SH3PXD2A: variants seen among roughly 807,000 people sequenced by gnomAD.
The protein encoded by SH3PXD2A is SH3 and PX domains 2A.
In SH3PXD2A, 32 loss-of-function variants were observed where a neutral mutation model predicts 115.2. The ratio of observed to expected loss-of-function variants is 0.28; its 90% CI spans 0.21 to 0.37. The LOEUF is 0.37. Among genes scored for constraint, SH3PXD2A ranks in the 10% least tolerant of loss-of-function variants. The pLI is 1.00. For missense variants in SH3PXD2A, 1,328 were observed against 1,498.7 expected (o/e 0.89, Z 1.88); for synonymous variants, 610 against 629.1 (o/e 0.97, Z 0.45).
chr10:103,796,721 C>T (rs539993472), intron 2 of SH3PXD2A, among the ~76,000 whole-genome samples: 59 of 152,288 alleles, frequency 3.9e-4, no homozygotes, highest in African/African-American at 1.3e-3. Context: ...CTTCCACCCT[C>T]GCCTCTCACA....
intron 5 of SH3PXD2A, among the ~76,000 whole-genome samples, chr10:103,707,436 C>A (rs769897640): frequency 1.2e-4 from 18 of 152,166 alleles, no homozygotes; most frequent in Non-Finnish European, 2.6e-4. Context: ...ACCTCGTGAT[C>A]TGCCTGCCTC....
intron 2 of SH3PXD2A, among the ~76,000 whole-genome samples, chr10:103,774,358 T>G (rs1254283383): frequency 6.6e-6 from 1 of 152,218 alleles, no homozygotes; most frequent in African/African-American, 2.4e-5. Flanking sequence ...TCCAGTGAAA[T>G]TTTCATTTCA....
At chr10:103,658,918 AG>A (rs1229082638) in intron 8 of SH3PXD2A, among the ~76,000 whole-genome samples, 1 of 152,200 alleles carries the variant, frequency 6.6e-6, no homozygotes, top group Non-Finnish European at 1.5e-5. Context: ...AGGGACATGA[AG>A]CCCCCCAGCA....
Position 103,783,297 on chromosome 10 carries a change from G to A in SH3PXD2A, c.154-16128C>T, listed in dbSNP as rs144326297. On this transcript the variant is annotated intron_variant, in intron 2 of 14. Coordinates refer to ENST00000369774, the MANE Select transcript of SH3PXD2A (RefSeq NM_001394015.1). The stretch of plus-strand genomic sequence containing the variant: ...TTATGTTTTAGGAGGGCTCTGATTC[G>A]TGGGAAGACTGGATTATGGAGGAGG... 5.0e-3 allele frequency among the ~76,000 whole-genome samples: 758 copies of A among 152,336 alleles called. 3 individuals are homozygous for A. The highest frequency in any genetic ancestry group is 0.024 in the Middle Eastern group (7 of 294).
At chr10:103,604,373 T>C (rs971687751) in intron 14 of SH3PXD2A, among the ~76,000 whole-genome samples, 2 of 152,156 alleles carry the variant, frequency 1.3e-5, no homozygotes, top group Admixed American at 1.3e-4. Context: ...GCTGAAGAGA[T>C]TTCTTTGGGT....
At chr10:103,730,237 T>C (rs1589432921) in intron 4 of SH3PXD2A, among the ~76,000 whole-genome samples, 2 of 143,462 alleles carry the variant, frequency 1.4e-5, no homozygotes, top group Admixed American at 6.8e-5. Context: ...CGTTTCTTTT[T>C]TTTTTTTTTT....
intron 11 of SH3PXD2A, among the ~76,000 whole-genome samples, chr10:103,615,732 C>T (rs1385230597): frequency 6.6e-6 from 1 of 151,976 alleles, no homozygotes; most frequent in Non-Finnish European, 1.5e-5. Context: ...CTCAGAGTGA[C>T]TTTGTTGGTC....
chr10:103,662,836 T>A (rs1273441523), intron 7 of SH3PXD2A, among the ~76,000 whole-genome samples: 1 of 151,990 alleles, frequency 6.6e-6, no homozygotes, highest in Non-Finnish European at 1.5e-5. Flanking sequence ...TGAGACAGGG[T>A]CTTTGTTGCC....
In SH3PXD2A at chr10:103,603,226, C is replaced by T. The variant is rs2036247069; in HGVS notation, c.1992G>A (p.Lys664=). ...CCTTGAGCTTTAGGAGTGATGATGA[C>T]TTGGGGGAGCCTGATTTGGGGGAGT... ...RKNSPKSGSP[K]SSSLLKLKAE... is the part of the protein sequence containing the mutation. Residue 664 remains lysine (K), a synonymous_variant, in exon 15 of 15, where the codon AAG becomes AAA. Transcript: ENST00000369774. The T allele has an allele frequency of 1.2e-6, 2 of 1,614,052 alleles. No individual in the cohort carries two copies. The highest frequency in any genetic ancestry group is 1.3e-5 in the African/African-American group (1 of 74,946).
intron 4 of SH3PXD2A, among the ~76,000 whole-genome samples, chr10:103,731,768 G>A (rs762766457): frequency 6.6e-6 from 1 of 152,202 alleles, no homozygotes; most frequent in Non-Finnish European, 1.5e-5. Flanking sequence ...ACAGTGGAAG[G>A]GAGAATACCT....
chr10:103,831,225 C>A (rs2039479857), intron 1 of SH3PXD2A, among the ~76,000 whole-genome samples: 1 of 152,112 alleles, frequency 6.6e-6, no homozygotes, highest in African/African-American at 2.4e-5. Flanking sequence ...TTTTGGAGAT[C>A]TTTTCATGTT....
rs375071473 is a variant in SH3PXD2A, at chr10:103,617,284, G to A, written c.833C>T (p.Thr278Ile). The A allele has an allele frequency of 9.9e-6, 16 of 1,613,976 alleles. No individual in the cohort carries two copies. In the African/African-American group the frequency reaches 1.6e-4, roughly 16 times the overall value. Residue 278 changes from threonine to isoleucine, a missense_variant, in exon 11 of 15, where the codon ACC becomes ATC. Transcript: ENST00000369774. The stretch of plus-strand genomic sequence containing the variant: ...GCCAATCTCGTCCTTGCTTTGGCTG[G>A]TGTAAGGCTGCACGGTGACATACTT... ...EEKYVTVQPY[T>I]SQSKDEIGFE...
At chr10:103,644,114 CA>C (rs71019685) in intron 8 of SH3PXD2A, among the ~76,000 whole-genome samples, 3,254 of 71,004 alleles carry the variant, frequency 0.046, 4 homozygotes, top group African/African-American at 0.068. Flanking sequence ...GGCTCCATCC[CA>C]AAAAAAAAAA....
At chr10:103,767,810 G>GTTTTATTTT (rs1490820010) in intron 2 of SH3PXD2A, among the ~76,000 whole-genome samples, 1 of 67,742 alleles carries the variant, frequency 1.5e-5, no homozygotes, top group Admixed American at 1.6e-4. Flanking sequence ...CAACTGTTTT[G>GTTTTATTTT]TTTTTTTTTT....
chr10:103,832,109 T>C (rs1230811964), intron 1 of SH3PXD2A, among the ~76,000 whole-genome samples: 1 of 152,166 alleles, frequency 6.6e-6, no homozygotes, highest in African/African-American at 2.4e-5. Context: ...TCTAGGCCTT[T>C]GCAAGTCTCA....
intron 5 of SH3PXD2A, among the ~76,000 whole-genome samples, chr10:103,698,141 G>A (rs1390069509): frequency 1.3e-5 from 2 of 152,200 alleles, no homozygotes; most frequent in African/African-American, 4.8e-5. Flanking sequence ...AATGGAGATT[G>A]CCATCCTGCC....
At chr10:103,678,644 T>C (rs949199968) in intron 6 of SH3PXD2A, among the ~76,000 whole-genome samples, 1 of 152,216 alleles carries the variant, frequency 6.6e-6, no homozygotes. Context: ...GCTCTTTCCC[T>C]GTCCTGTCAA....
Position 103,603,150 on chromosome 10 carries a change from A to T in SH3PXD2A, c.2068T>A (p.Phe690Ile). Residue 690 changes from phenylalanine to isoleucine, a missense_variant, in exon 15 of 15, where the codon TTT becomes ATT. Transcript: ENST00000369774. ...GTGTTGATGGTGATGGATGAGGAAA[A>T]GGAGGCTGAGGAGTGGTTCTTCCCC... ...EMGKNHSSAS[F>I]SSSITINTTC... is the part of the protein sequence containing the mutation. The T allele has an allele frequency of 1.2e-6, 2 of 1,613,670 alleles. No homozygotes were observed. The highest frequency in any genetic ancestry group is 1.1e-5 in the South Asian group (1 of 91,074).
At position 103,602,511 on chromosome 10, in the gene SH3PXD2A, C is replaced by G. The variant is rs540725379; in HGVS notation, c.2707G>C (p.Asp903His). The G allele has an allele frequency of 6.2e-7, 1 of 1,614,156 alleles. No homozygotes were observed. The highest frequency in any genetic ancestry group is 1.3e-5 in the African/African-American group (1 of 75,034). ...GTGTCCAGCTCTTTGCCAGAGGGGT[C>G]AGGTTGCTCGTTCTCATCCAGCACC... ...YLVLDENEQP[D>H]PSGKELDTVP... Residue 903 changes from aspartate to histidine, a missense_variant, in exon 15 of 15, where the codon GAC becomes CAC. This residue lies in a region of SH3PXD2A where 574 missense variants were observed against 565.7 expected (regional missense o/e 1.01). Transcript: ENST00000369774.
Sources: gnomAD v4.1 joint callset for allele counts (sites outside exome capture counted in the v4.1 genomes callset) on GRCh38, gnomAD v4.1.1 for gene constraint, gnomAD v4.1.1 regional missense constraint, MANE v1.5 for transcripts, NCBI Gene and HGNC (gene_info 2026-07-23, HGNC 2026-07-21) for gene names.